Variants in FUT9 observed in about 807,000 individuals in gnomAD.
FUT9 encodes the protein 4-galactosyl-N-acetylglucosaminide 3-alpha-L-fucosyltransferase 9.
FUT9 carries 15 observed loss-of-function variants against 29.7 expected under a neutral mutation model. The ratio of observed to expected loss-of-function variants is 0.51; its 90% confidence interval spans 0.34 to 0.78. The LOEUF is 0.78. Ranked by LOEUF, FUT9 falls within the 30% of genes least tolerant of loss-of-function variation. The pLI is 0.01. For missense variants in FUT9, 319 were observed against 425.4 expected (o/e 0.75, Z 2.20); for synonymous variants, 169 against 153.7 (o/e 1.10, Z -0.74).
intron 1 of FUT9, among the ~76,000 whole-genome samples, chr6:96,099,667 A>C (rs1320656407): frequency 1.3e-5 from 2 of 152,138 alleles, no homozygotes; most frequent in Non-Finnish European, 2.9e-5. Flanking sequence ...ATAGTAATAA[A>C]TTTATTAGTG....
chr6:96,165,677 G>C (rs779238774), intron 2 of FUT9, among the ~76,000 whole-genome samples: 2 of 152,030 alleles, frequency 1.3e-5, no homozygotes, highest in Non-Finnish European at 1.5e-5. Flanking sequence ...ATGCAGTGGC[G>C]TGATCTCGGC....
chr6:96,034,018 A>T (rs1770308880), intron 1 of FUT9, among the ~76,000 whole-genome samples: 1 of 151,722 alleles, frequency 6.6e-6, no homozygotes, highest in African/African-American at 2.4e-5. Flanking sequence ...TAGGAAGGGA[A>T]ACCATAGGAC....
In FUT9 at chr6:96,203,440, G is replaced by A. The variant is rs145042649; in HGVS notation, c.285G>A (p.Thr95=). Residue 95 remains threonine (T), a synonymous_variant, in exon 3 of 3, where the codon ACG becomes ACA. Transcript: ENST00000302103. ...MFNIQGCHLT[T]DRSLYNKSHA... is the part of the protein sequence containing the mutation. ...ACATCCAAGGATGCCATCTCACAAC[G>A]GACCGTTCACTGTACAACAAATCCC... 1,289 of 1,606,932 alleles carry A rather than the reference G, an allele frequency of 8.0e-4. 2 individuals carry two copies. The highest frequency in any genetic ancestry group is 1.0e-3 in the Non-Finnish European group (1,184 of 1,175,830).
chr6:96,146,472 G>T (rs1167349958), intron 2 of FUT9, among the ~76,000 whole-genome samples: 1 of 152,096 alleles, frequency 6.6e-6, no homozygotes, highest in Non-Finnish European at 1.5e-5. Flanking sequence ...AATCTGAGGG[G>T]TTATATCTTT....
chr6:96,065,891 G>C (rs1429048122), intron 1 of FUT9, among the ~76,000 whole-genome samples: 1 of 152,198 alleles, frequency 6.6e-6, no homozygotes, highest in Non-Finnish European at 1.5e-5. Flanking sequence ...GTTGCTGACT[G>C]TGAGATAAGT....
intron 1 of FUT9, among the ~76,000 whole-genome samples, chr6:96,096,955 C>T (rs1771508469): frequency 6.6e-6 from 1 of 152,046 alleles, no homozygotes; most frequent in African/African-American, 2.4e-5. Context: ...GGTGTTAGAG[C>T]ACCCAGCACA....
chr6:96,124,934 A>G (rs528135911), intron 2 of FUT9, among the ~76,000 whole-genome samples: 3 of 152,278 alleles, frequency 2.0e-5, no homozygotes, highest in Non-Finnish European at 2.9e-5. Context: ...CTGTTCTACA[A>G]CCTATTCCAG....
Position 96,212,385 on chromosome 6 carries a change from T to A in FUT9, c.*8150T>A. 2.4e-6 allele frequency: 1 copy of A among 412,492 alleles called. No individual in the cohort carries two copies. Among genetic ancestry groups the A allele is most frequent in the Non-Finnish European group, 4.4e-6 (1 of 225,366 alleles). The allele number at this position is 412,492 out of a possible 1,614,324, so 25.6% of individuals were successfully genotyped here. On this transcript the variant is annotated 3_prime_UTR_variant, in exon 3 of 3. Transcript: ENST00000302103. Reference sequence around the variant, plus strand: ...TCTGCCTCAAGAGTCCTTAAGCAAATGAAGATTATCTGATTGTCTATGTAA... The same window carrying A: ...TCTGCCTCAAGAGTCCTTAAGCAAAAGAAGATTATCTGATTGTCTATGTAA...
chr6:96,188,122 T>C (rs1301318309), intron 2 of FUT9, among the ~76,000 whole-genome samples: 2 of 152,062 alleles, frequency 1.3e-5, no homozygotes, highest in Non-Finnish European at 2.9e-5. Context: ...GACAGGGAAG[T>C]GTTGGTGAAT....
intron 1 of FUT9, among the ~76,000 whole-genome samples, chr6:96,047,737 A>C (rs1300148375): frequency 6.6e-6 from 1 of 152,184 alleles, no homozygotes. Flanking sequence ...AACATAGGTA[A>C]TATGTGAGAA....
intron 2 of FUT9, among the ~76,000 whole-genome samples, chr6:96,192,747 C>G (rs1441095764): frequency 6.6e-6 from 1 of 152,040 alleles, no homozygotes; most frequent in Non-Finnish European, 1.5e-5. Flanking sequence ...ATCACCAAGT[C>G]AATCCTAAGC....
chr6:96,070,495 G>C (rs1203315424), intron 1 of FUT9, among the ~76,000 whole-genome samples: 1 of 152,126 alleles, frequency 6.6e-6, no homozygotes, highest in Middle Eastern at 3.4e-3. Flanking sequence ...AGACCAGCCT[G>C]GGCAACACGG....
intron 2 of FUT9, among the ~76,000 whole-genome samples, chr6:96,153,409 G>A (rs913945792): frequency 6.6e-6 from 1 of 152,052 alleles, no homozygotes; most frequent in Admixed American, 6.6e-5. Flanking sequence ...TATATTTGGG[G>A]GATATTGGAA....
chr6:96,127,689 C>A (rs1227094644), intron 2 of FUT9, among the ~76,000 whole-genome samples: 1 of 152,078 alleles, frequency 6.6e-6, no homozygotes, highest in Non-Finnish European at 1.5e-5. Flanking sequence ...ACCTTGCCAG[C>A]ATCTGTTATT....
chr6:96,030,594 A>G (rs1770244778), intron 1 of FUT9, among the ~76,000 whole-genome samples: 1 of 151,588 alleles, frequency 6.6e-6, no homozygotes, highest in South Asian at 2.1e-4. Flanking sequence ...AAAAATACAA[A>G]TATCATATGA....
At chr6:96,042,236 C>T (rs1431798443) in intron 1 of FUT9, among the ~76,000 whole-genome samples, 1 of 152,134 alleles carries the variant, frequency 6.6e-6, no homozygotes, top group Non-Finnish European at 1.5e-5. Flanking sequence ...CAACTATGGA[C>T]ATGGAGGCAA....
chr6:96,172,207 A>T, intron 2 of FUT9, among the ~76,000 whole-genome samples: 1 of 152,100 alleles, frequency 6.6e-6, no homozygotes, highest in East Asian at 1.9e-4. Context: ...GGACCTAATG[A>T]ATTCCCCAAA....
In FUT9 at chr6:96,130,072, T is replaced by C. The variant is rs556267054; in HGVS notation, c.-9+15945T>C. Reference sequence around the variant, plus strand: ...TCAGAACCTCCTCAATAAAATAACATTGGGAGGTGGGAGAGGGGGTACGAA... The same window carrying C: ...TCAGAACCTCCTCAATAAAATAACACTGGGAGGTGGGAGAGGGGGTACGAA... On this transcript the variant is annotated intron_variant, in intron 2 of 2. Coordinates refer to ENST00000302103, the MANE Select transcript of FUT9 (RefSeq NM_006581.4). Among the ~76,000 whole-genome samples, 22 of 152,120 alleles carry C rather than the reference T, an allele frequency of 1.4e-4. No homozygotes were observed. In the South Asian group the frequency reaches 1.7e-3, roughly 11 times the overall value.
At chr6:96,078,484 G>A (rs1392629692) in intron 1 of FUT9, among the ~76,000 whole-genome samples, 8 of 131,474 alleles carry the variant, frequency 6.1e-5, no homozygotes, top group Non-Finnish European at 1.2e-4. Flanking sequence ...GCAGTGGCGC[G>A]ATCTTGGCTC....
Sources: gnomAD v4.1 joint callset for allele counts (sites outside exome capture counted in the v4.1 genomes callset) on GRCh38, gnomAD v4.1.1 for gene constraint, MANE v1.5 for transcripts, NCBI Gene and HGNC (gene_info 2026-07-23, HGNC 2026-07-21) for gene names.